The following GABRA5 variants were observed in gnomAD, a reference collection of about 807,000 sequenced individuals.
The protein encoded by GABRA5 is gamma-aminobutyric acid receptor subunit alpha-5.
In GABRA5, 18 loss-of-function variants were observed where a neutral mutation model predicts 47.3. The observed-to-expected ratio is 0.38, with a 90% CI of 0.26 to 0.56. The LOEUF is 0.56. Ranked by LOEUF, GABRA5 falls within the 20% of genes least tolerant of loss-of-function variation. GABRA5 has a pLI of 0.71. For missense variants in GABRA5, 365 were observed against 599.3 expected (o/e 0.61, Z 4.08); for synonymous variants, 237 against 229.3 (o/e 1.03, Z -0.30).
intron 6 of GABRA5, among the ~76,000 whole-genome samples, chr15:26,894,658 A>G (rs1893134675): frequency 6.6e-6 from 1 of 151,142 alleles, no homozygotes; most frequent in Non-Finnish European, 1.5e-5. Context: ...GATTTCCTGT[A>G]CTCTCTGGTC....
intron 7 of GABRA5, among the ~76,000 whole-genome samples, chr15:26,935,369 T>C (rs1466430150): frequency 6.6e-6 from 1 of 152,250 alleles, no homozygotes; most frequent in East Asian, 1.9e-4. Flanking sequence ...ATCCTTACAA[T>C]GATTATTTCA....
chr15:26,932,508 C>T (rs1894132830), intron 7 of GABRA5, among the ~76,000 whole-genome samples: 2 of 152,212 alleles, frequency 1.3e-5, no homozygotes, highest in Non-Finnish European at 2.9e-5. Context: ...TGAGTTTACA[C>T]TGTTGGTGAG....
chr15:26,888,175 T>C (rs1892924489), intron 6 of GABRA5, among the ~76,000 whole-genome samples: 1 of 152,250 alleles, frequency 6.6e-6, no homozygotes, highest in Admixed American at 6.5e-5. Context: ...TGATGTTGGC[T>C]CTGAAGAACT....
intron 9 of GABRA5, among the ~76,000 whole-genome samples, chr15:26,940,600 A>T (rs576727730): frequency 6.6e-6 from 1 of 152,336 alleles, no homozygotes; most frequent in Non-Finnish European, 1.5e-5. Context: ...AAGGATACTC[A>T]GTCTGTAGAA....
chr15:26,880,623 A>G (rs760741105), intron 3 of GABRA5: 5 of 410,772 alleles, frequency 1.2e-5, no homozygotes, highest in Non-Finnish European at 2.2e-5. Context: ...TTTGAGCCTC[A>G]GGTTAGGTGG....
At chr15:26,906,615 T>C (rs1893450583) in intron 6 of GABRA5, among the ~76,000 whole-genome samples, 1 of 152,220 alleles carries the variant, frequency 6.6e-6, no homozygotes, top group Non-Finnish European at 1.5e-5. Context: ...ATAAATGCTT[T>C]AATTTCTTAA....
At chr15:26,926,143 A>G (rs904198523) in intron 7 of GABRA5, among the ~76,000 whole-genome samples, 2 of 152,186 alleles carry the variant, frequency 1.3e-5, no homozygotes, top group Non-Finnish European at 2.9e-5. Context: ...GCGCTGACCC[A>G]CAGCTTCTTA....
At chr15:26,899,727 T>C (rs34471858) in intron 6 of GABRA5, among the ~76,000 whole-genome samples, 48,297 of 152,036 alleles carry the variant, frequency 0.32, 7,726 homozygotes, top group Middle Eastern at 0.35. Flanking sequence ...TCTTTGGTTT[T>C]GATGTCAATG....
intron 6 of GABRA5, among the ~76,000 whole-genome samples, chr15:26,902,515 C>T (rs1160608955): frequency 6.6e-6 from 1 of 152,010 alleles, no homozygotes; most frequent in Admixed American, 6.6e-5. Flanking sequence ...TGTATTAGTT[C>T]CAGGACTTTT....
chr15:26,905,803 G>A (rs975757900), intron 6 of GABRA5, among the ~76,000 whole-genome samples: 2 of 149,640 alleles, frequency 1.3e-5, no homozygotes, highest in Non-Finnish European at 3.0e-5. Context: ...TTCAGTTGTT[G>A]TTTTTTTTCA....
rs535953919 is a variant in GABRA5, at chr15:26,941,239, T to C, written c.877+1162T>C. Among the ~76,000 whole-genome samples the C allele has an allele frequency of 2.6e-5, 4 of 152,236 alleles. No homozygotes were observed. In the South Asian group the frequency reaches 8.3e-4, roughly 32 times the overall value. ...CCCCAAGTTAATGTGCCTGATGAAC[T>C]CTTTAGGGGAAATTTAGCTGGTAGG... On this transcript the variant is annotated intron_variant, in intron 9 of 10. Transcript: ENST00000335625.
chr15:26,884,250 T>C (rs1218601919), intron 6 of GABRA5, among the ~76,000 whole-genome samples: 2 of 152,152 alleles, frequency 1.3e-5, no homozygotes, highest in Non-Finnish European at 2.9e-5. Context: ...GTGTAGCCTT[T>C]GGAAGTTTTA....
chr15:26,869,843 A>G (rs1206091613), intron 3 of GABRA5, among the ~76,000 whole-genome samples: 1 of 152,254 alleles, frequency 6.6e-6, no homozygotes, highest in African/African-American at 2.4e-5. Flanking sequence ...GCAGGTGCAG[A>G]CACCATAAAC....
intron 6 of GABRA5, among the ~76,000 whole-genome samples, chr15:26,898,257 G>A (rs1002801017): frequency 1.1e-4 from 16 of 152,150 alleles, no homozygotes; most frequent in East Asian, 1.9e-4. Flanking sequence ...CATGGGAAAC[G>A]TAAACCAAAT....
chr15:26,910,323 C>T lies in GABRA5; in HGVS notation c.498-4480C>T, dbSNP rs112753535. 3.6e-3 allele frequency among the ~76,000 whole-genome samples: 542 copies of T among 152,144 alleles called. 4 individuals carry two copies. Among genetic ancestry groups the T allele is most frequent in the African/African-American group, 0.012 (514 of 41,524 alleles). ...ATCTTAAATTATAAAAATGCCCGAC[C>T]GGGTGTGGTGGCTCACACCTGTAAT... On this transcript the variant is annotated intron_variant, in intron 6 of 10. Coordinates refer to ENST00000335625, the MANE Select transcript of GABRA5 (RefSeq NM_000810.4).
At position 26,883,251 on chromosome 15, in the gene GABRA5, G is replaced by T. The variant is rs2140255730; in HGVS notation, c.276+18G>T. Reference sequence around the variant, plus strand: ...CGGAAATGGTAGGTCCCGGGGCATGGCTGGGCAGACAATTCTTACTCCGCG... The same window carrying T: ...CGGAAATGGTAGGTCCCGGGGCATGTCTGGGCAGACAATTCTTACTCCGCG... On this transcript the variant is annotated intron_variant, in intron 5 of 10. Coordinates refer to ENST00000335625, the MANE Select transcript of GABRA5 (RefSeq NM_000810.4). This position sits in a 1 kb window ranked among gnomAD's most constrained non-coding sequence, Gnocchi z 4.8. 1 of 1,613,380 alleles carries T rather than the reference G, an allele frequency of 6.2e-7. No individual in the cohort carries two copies. Among genetic ancestry groups the T allele is most frequent in the East Asian group, 2.2e-5 (1 of 44,862 alleles).
intron 3 of GABRA5, among the ~76,000 whole-genome samples, chr15:26,877,344 G>A (rs1441580101): frequency 2.0e-5 from 3 of 152,116 alleles, no homozygotes; most frequent in Admixed American, 6.5e-5. Context: ...GGGCATTTGA[G>A]GAAAACATCA....
intron 8 of GABRA5, among the ~76,000 whole-genome samples, chr15:26,938,352 GTGT>G (rs1894297124): frequency 6.6e-6 from 1 of 152,202 alleles, no homozygotes; most frequent in Non-Finnish European, 1.5e-5. Context: ...CAGGAGTTTG[GTGT>G]AAGCAATTGC....
At chr15:26,940,533 G>C (rs148967866) in intron 9 of GABRA5, among the ~76,000 whole-genome samples, 1 of 148,478 alleles carries the variant, frequency 6.7e-6, no homozygotes, top group East Asian at 1.9e-4. Context: ...TGAGCATTAC[G>C]TCGGTGCCCA....
Sources: allele counts gnomAD v4.1 joint callset (sites outside exome capture counted in the v4.1 genomes callset), GRCh38; gene constraint gnomAD v4.1.1; non-coding constraint Gnocchi (gnomAD v3.1); transcripts MANE v1.5; gene names NCBI Gene and HGNC (gene_info 2026-07-23, HGNC 2026-07-21).